Variants in JPH3 observed in about 807,000 individuals in gnomAD.
JPH3 encodes the protein junctophilin 3, also known as junctophilin-3.
In JPH3, 11 loss-of-function variants were observed where a neutral mutation model predicts 59.6. That is an observed-to-expected ratio of 0.18 (90% CI 0.12 to 0.31). JPH3 has a LOEUF of 0.31. Ranked by LOEUF, JPH3 falls within the 10% of genes least tolerant of loss-of-function variation. The probability of loss-of-function intolerance (pLI) is 1.00; values close to 1 mark genes in which losing one functional copy is unlikely to be tolerated. For missense variants in JPH3, 1,202 were observed against 1,105.7 expected (o/e 1.09, Z -1.24); for synonymous variants, 673 against 483.6 (o/e 1.39, Z -5.14).
chr16:87,616,697 C>T lies in JPH3; in HGVS notation c.382+13169C>T, dbSNP rs1003657571. ...TGTGCAACTGATGACATGTCGGAAC[C>T]GGATATTGACGTGGACACAGTCAGG... On this transcript the variant is annotated intron_variant, in intron 1 of 4. Transcript: ENST00000284262. 2.6e-5 allele frequency among the ~76,000 whole-genome samples: 4 copies of T among 152,128 alleles called. No individual in the cohort carries two copies. The East Asian group carries it at 7.7e-4, about 29-fold the overall frequency.
At chr16:87,615,314 G>A (rs1007171884) in intron 1 of JPH3, among the ~76,000 whole-genome samples, 4 of 152,228 alleles carry the variant, frequency 2.6e-5, no homozygotes, top group African/African-American at 7.2e-5. Flanking sequence ...GTAGACCCAG[G>A]CAGAGTTGGT....
At chr16:87,624,674 C>T (rs532733616) in intron 1 of JPH3, among the ~76,000 whole-genome samples, 1 of 152,362 alleles carries the variant, frequency 6.6e-6, no homozygotes, top group East Asian at 1.9e-4. Context: ...GCTGCTGTGA[C>T]CATTTGCGTC....
chr16:87,641,381 A>G (rs2031945369), intron 1 of JPH3, among the ~76,000 whole-genome samples: 8 of 152,154 alleles, frequency 5.3e-5, no homozygotes, highest in Admixed American at 4.6e-4. Context: ...TCCGACGTTG[A>G]TGGCAGTGGA....
chr16:87,612,684 C>CTGGGTCAAGTGGTTCA (rs1417371495), intron 1 of JPH3, among the ~76,000 whole-genome samples: 2 of 152,116 alleles, frequency 1.3e-5, no homozygotes, highest in East Asian at 3.9e-4. Context: ...TTTTCACACT[C>CTGGGTCAAGTGGTTCA]TGGGTCAAGT....
chr16:87,691,089 C>CA (rs1274249761), intron 4 of JPH3, among the ~76,000 whole-genome samples: 4 of 150,796 alleles, frequency 2.7e-5, no homozygotes, highest in Non-Finnish European at 5.9e-5. Flanking sequence ...ACCCAGCACC[C>CA]CCCCCCCAAA....
Position 87,641,505 on chromosome 16 carries a change from T to C in JPH3, c.383-2753T>C, listed in dbSNP as rs150508532. Among the ~76,000 whole-genome samples the C allele has an allele frequency of 7.2e-3, 1,095 of 152,300 alleles. 20 individuals are homozygous for C. The highest frequency in any genetic ancestry group is 0.025 in the African/African-American group (1,020 of 41,554). ...CCTGAAAGTGGGACGAGGCTGAAGC[T>C]GACCTCTCGCTGAGACCACCTCATT... On this transcript the variant is annotated intron_variant, in intron 1 of 4. Transcript: ENST00000284262.
chr16:87,679,018 C>T (rs145985386), intron 2 of JPH3, among the ~76,000 whole-genome samples: 105 of 152,316 alleles, frequency 6.9e-4, no homozygotes, highest in African/African-American at 2.3e-3. Flanking sequence ...CATTCATTAC[C>T]GTAGCCCGGG....
rs1002953035 is a variant in JPH3, at chr16:87,604,604, G to T, written c.382+1076G>T. ...AGACGCAGCAATGACTTGTGCTTCT[G>T]CCGAGAATAAAAATCCTGAGCGTAC... is the stretch of plus-strand genomic sequence containing the variant. On this transcript the variant is annotated intron_variant, in intron 1 of 4. Coordinates refer to ENST00000284262, the MANE Select transcript of JPH3 (RefSeq NM_020655.4). 21 of 1,211,810 alleles carry T rather than the reference G, an allele frequency of 1.7e-5. No individual in the cohort carries two copies. The African/African-American group carries it at 2.8e-4, about 16-fold the overall frequency. The allele number at this position is 1,211,810 out of a possible 1,614,324, so 75.1% of individuals were successfully genotyped here.
chr16:87,659,399 G>GAAAA (rs2032627662), intron 2 of JPH3, among the ~76,000 whole-genome samples: 1 of 65,440 alleles, frequency 1.5e-5, no homozygotes, highest in Non-Finnish European at 2.9e-5. Flanking sequence ...AAAAAAAAAA[G>GAAAA]AAAACTACAC....
At chr16:87,614,186 G>C (rs2030846239) in intron 1 of JPH3, among the ~76,000 whole-genome samples, 1 of 150,640 alleles carries the variant, frequency 6.6e-6, no homozygotes, top group African/African-American at 2.4e-5. Flanking sequence ...GGTCCCTGCA[G>C]ATACGAGGAG....
intron 1 of JPH3, among the ~76,000 whole-genome samples, chr16:87,621,683 C>T (rs560982828): frequency 6.6e-6 from 1 of 152,208 alleles, no homozygotes; most frequent in Non-Finnish European, 1.5e-5. Context: ...GTTTATTCCT[C>T]CCTGCAATGA....
rs562520499 is a variant in JPH3 at position 87,620,188 on chromosome 16, G to A, written c.382+16660G>A. Among the ~76,000 whole-genome samples, 24 of 152,176 alleles carry A rather than the reference G, an allele frequency of 1.6e-4. No individual in the cohort carries two copies. In the South Asian group the frequency reaches 3.1e-3, roughly 20 times the overall value. ...CAGCAATGGGGACTGGGATCCCAGC[G>A]CAGGCTGAGCCTGGGTGGCTATGTC... On this transcript the variant is annotated intron_variant, in intron 1 of 4. Transcript: ENST00000284262.
chr16:87,606,295 C>A (rs1401374262), intron 1 of JPH3, among the ~76,000 whole-genome samples: 2 of 152,240 alleles, frequency 1.3e-5, no homozygotes, highest in African/African-American at 4.8e-5. Context: ...CAGCTCTGGG[C>A]GCTGACTTGG....
chr16:87,607,385 T>G (rs1371131740), intron 1 of JPH3, among the ~76,000 whole-genome samples: 13 of 152,140 alleles, frequency 8.5e-5, no homozygotes, highest in Admixed American at 8.5e-4. Flanking sequence ...CGGCCCAGAT[T>G]CCTCAACCCA....
At chr16:87,618,808 G>C (rs541623526) in intron 1 of JPH3, among the ~76,000 whole-genome samples, 18 of 152,280 alleles carry the variant, frequency 1.2e-4, no homozygotes, top group African/African-American at 4.3e-4. Flanking sequence ...GGTTATTTCA[G>C]GCCGGGCGCA....
chr16:87,605,986 G>A (rs923702174), intron 1 of JPH3, among the ~76,000 whole-genome samples: 1 of 152,234 alleles, frequency 6.6e-6, no homozygotes, highest in African/African-American at 2.4e-5. Context: ...TTCTGGTCTT[G>A]AGGACTCGGG....
chr16:87,684,582 C>T, intron 3 of JPH3: 2 of 359,246 alleles, frequency 5.6e-6, no homozygotes, highest in South Asian at 3.2e-5. Context: ...CTGCTGCCCG[C>T]CCTCCCCCAG....
intron 1 of JPH3, among the ~76,000 whole-genome samples, chr16:87,640,982 T>G (rs980441727): frequency 1.3e-5 from 2 of 152,150 alleles, no homozygotes; most frequent in African/African-American, 4.8e-5. Flanking sequence ...AGTTCCAGTT[T>G]CCTCCTCACA....
At chr16:87,616,824 C>G (rs540694368) in intron 1 of JPH3, among the ~76,000 whole-genome samples, 1 of 152,218 alleles carries the variant, frequency 6.6e-6, no homozygotes, top group African/African-American at 2.4e-5. Context: ...TCAGTTTCGT[C>G]GTTTCCAAAA....
Sources: gnomAD v4.1 joint callset for allele counts (sites outside exome capture counted in the v4.1 genomes callset) on GRCh38, gnomAD v4.1.1 for gene constraint, MANE v1.5 for transcripts, NCBI Gene and HGNC (gene_info 2026-07-23, HGNC 2026-07-21) for gene names.